GNB5: variants seen among roughly 807,000 people sequenced by gnomAD.
GNB5 encodes the protein G protein subunit beta 5, also known as guanine nucleotide-binding protein subunit beta-5.
Under a neutral mutation model 55.3 loss-of-function variants are expected in GNB5, and 37 were observed. The ratio of observed to expected loss-of-function variants is 0.67; its 90% CI spans 0.51 to 0.88. The LOEUF (loss-of-function observed/expected upper bound fraction) is 0.88, where lower values mean the gene tolerates loss of function less well. Among genes scored for constraint, GNB5 ranks in the 40% least tolerant of loss-of-function variants. The probability of loss-of-function intolerance (pLI) is 0.00; values close to 1 mark genes in which losing one functional copy is unlikely to be tolerated. For missense variants in GNB5, 476 were observed against 515.3 expected (o/e 0.92, Z 0.74); for synonymous variants, 219 against 198.5 (o/e 1.10, Z -0.87).
At chr15:52,148,007 T>C (rs1373864474) in intron 5 of GNB5, among the ~76,000 whole-genome samples, 1 of 151,182 alleles carries the variant, frequency 6.6e-6, no homozygotes, top group Non-Finnish European at 1.5e-5. Flanking sequence ...GGGACTCTTA[T>C]AATCAACTTG....
intron 3 of GNB5, among the ~76,000 whole-genome samples, chr15:52,173,679 G>A (rs1055799999): frequency 6.6e-6 from 1 of 152,214 alleles, no homozygotes; most frequent in Non-Finnish European, 1.5e-5. Context: ...GGTCTAGCAT[G>A]GTGAGGAGGA....
intron 1 of GNB5, among the ~76,000 whole-genome samples, chr15:52,185,753 T>TTTTTTATTA (rs1555409559): frequency 2.7e-4 from 37 of 136,712 alleles, no homozygotes; most frequent in African/African-American, 5.6e-4. Context: ...TATTCATCTT[T>TTTTTTATTA]TTATTATTAT....
At chr15:52,153,897 A>T in intron 4 of GNB5, 43 bp downstream of exon 4, 1 of 1,573,730 alleles carries the variant, frequency 6.4e-7, no homozygotes, top group Non-Finnish European at 8.7e-7. Context: ...TTAGCTATAA[A>T]ATCCAAAACC....
At chr15:52,145,240 T>C (rs189043080) in intron 6 of GNB5, among the ~76,000 whole-genome samples, 2 of 152,020 alleles carry the variant, frequency 1.3e-5, no homozygotes, top group Non-Finnish European at 1.5e-5. Context: ...TCTTTTATTA[T>C]AGCACCTCTT....
At chr15:52,170,448 A>C (rs2034534896) in intron 3 of GNB5, among the ~76,000 whole-genome samples, 2 of 152,244 alleles carry the variant, frequency 1.3e-5, no homozygotes, top group Admixed American at 6.5e-5. Flanking sequence ...AAACTAAGGC[A>C]GAAACAGAAA....
Position 52,125,969 on chromosome 15 carries a change from TG to T in GNB5, c.987del (p.Ser330AlafsTer91). 1.3e-6 allele frequency: 2 copies of T among 1,538,688 alleles called. No homozygotes were observed. Among genetic ancestry groups the T allele is most frequent in the Non-Finnish European group, 1.8e-6 (2 of 1,116,570 alleles). On this transcript the variant is annotated frameshift_variant, in exon 11 of 13. Coordinates refer to ENST00000261837, the MANE Select transcript of GNB5 (RefSeq NM_016194.4). LOFTEE classifies it high-confidence loss of function. The stretch of plus-strand genomic sequence containing the variant: ...TTACCACTGAGGGAGAAGTCCACGC[TG>T]GATGCTCCAAATATGATGCTTTCTT... ...YSKESIIFGA[S>X]SVDFSLSGRL... is the part of the protein sequence containing the mutation.
chr15:52,162,409 G>C (rs1378403950), intron 3 of GNB5, among the ~76,000 whole-genome samples: 1 of 152,098 alleles, frequency 6.6e-6, no homozygotes, highest in African/African-American at 2.4e-5. Context: ...AATTTATAAA[G>C]TGAAAATTCA....
In GNB5 at chr15:52,128,295, C is replaced by T. The variant is rs372859244; in HGVS notation, c.864-51G>A. ...CGGTTGTGACTCCTGACCCTGGATGCCCATCAGAACCATGCTAGGCCCTTG... is the reference window on the plus strand; with the variant it reads ...CGGTTGTGACTCCTGACCCTGGATGTCCATCAGAACCATGCTAGGCCCTTG... On this transcript the variant is annotated intron_variant, in intron 9 of 12. Transcript: ENST00000261837. 2.6e-4 allele frequency: 290 copies of T among 1,121,316 alleles called. 2 individuals carry two copies. In the African/African-American group the frequency reaches 3.9e-3, roughly 15 times the overall value. The allele number at this position is 1,121,316 out of a possible 1,614,324, so 69.5% of individuals were successfully genotyped here.
intron 2 of GNB5, among the ~76,000 whole-genome samples, chr15:52,183,498 C>G (rs148380048): frequency 1.0e-3 from 156 of 152,304 alleles, no homozygotes; most frequent in African/African-American, 3.6e-3. Flanking sequence ...TATGCTGTAT[C>G]AAAGCCTTTT....
intron 10 of GNB5, among the ~76,000 whole-genome samples, chr15:52,126,455 T>G (rs769401361): frequency 2.0e-5 from 3 of 152,196 alleles, no homozygotes; most frequent in Non-Finnish European, 2.9e-5. Flanking sequence ...TTCAGTCTTA[T>G]TTGTATTTTA....
Position 52,171,945 on chromosome 15 carries a change from C to T in GNB5, c.238+7823G>A, listed in dbSNP as rs75874171. On this transcript the variant is annotated intron_variant, in intron 3 of 12. Coordinates refer to ENST00000261837, the MANE Select transcript of GNB5 (RefSeq NM_016194.4). ...TTGCTTTGTTCCTTAACAATATTAGCATCTGCCTCAAGGACCTGGGAATTG... is the reference window on the plus strand; with the variant it reads ...TTGCTTTGTTCCTTAACAATATTAGTATCTGCCTCAAGGACCTGGGAATTG... 4.9e-3 allele frequency among the ~76,000 whole-genome samples: 741 copies of T among 152,304 alleles called. 17 individuals are homozygous for T. Among genetic ancestry groups the T allele is most frequent in the Admixed American group, 0.026 (395 of 15,290 alleles).
intron 3 of GNB5, among the ~76,000 whole-genome samples, chr15:52,165,336 C>T (rs928307788): frequency 2.0e-5 from 3 of 152,108 alleles, no homozygotes; most frequent in Non-Finnish European, 4.4e-5. Context: ...GACAGGGCAA[C>T]GTTCAAATTC....
At chr15:52,177,265 C>T (rs2034670321) in intron 3 of GNB5, among the ~76,000 whole-genome samples, 1 of 151,708 alleles carries the variant, frequency 6.6e-6, no homozygotes, top group Non-Finnish European at 1.5e-5. Context: ...AATCTCCTGA[C>T]CTCATGATCC....
In GNB5 at chr15:52,137,131, T is replaced by C. The variant is rs1045156320; in HGVS notation, c.628-1375A>G. 3.5e-5 allele frequency: 24 copies of C among 691,642 alleles called. No individual in the cohort carries two copies. In the Admixed American group the frequency reaches 8.1e-4, roughly 23 times the overall value. The allele number at this position is 691,642 out of a possible 1,614,324, so 42.8% of individuals were successfully genotyped here. A position where few individuals can be genotyped will look rare whatever the true frequency, so the allele number is the denominator to read the frequency against. ...GTACCCTTCCCTAATTCCTCCATTT[T>C]CAGAACCTACTAAGATTCTGCCAAG... On this transcript the variant is annotated intron_variant, in intron 7 of 12. Transcript: ENST00000261837.
intron 12 of GNB5, chr15:52,123,559 T>C (rs74487327): frequency 6.6e-6 from 1 of 152,068 alleles, no homozygotes. Context: ...TTTTTTTTTT[T>C]TGAGACAGAG....
At chr15:52,165,154 G>A (rs2034425986) in intron 3 of GNB5, among the ~76,000 whole-genome samples, 1 of 152,006 alleles carries the variant, frequency 6.6e-6, no homozygotes, top group Non-Finnish European at 1.5e-5. Flanking sequence ...AAGCAGACAA[G>A]AATAGAGAAA....
At chr15:52,147,154 T>G in intron 6 of GNB5, 2 of 239,194 alleles carry the variant, frequency 8.4e-6, no homozygotes, top group Non-Finnish European at 1.6e-5. Flanking sequence ...TGAAAGAGAG[T>G]TTTATGGTTT....
intron 3 of GNB5, among the ~76,000 whole-genome samples, chr15:52,169,723 G>T (rs1596100148): frequency 6.6e-6 from 1 of 152,074 alleles, no homozygotes; most frequent in South Asian, 2.1e-4. Flanking sequence ...TGATAAATGG[G>T]ATCTAATTAA....
At chr15:52,154,852 C>T (rs1456661853) in intron 3 of GNB5, among the ~76,000 whole-genome samples, 4 of 152,248 alleles carry the variant, frequency 2.6e-5, no homozygotes, top group Non-Finnish European at 4.4e-5. Context: ...CACAGCACCA[C>T]CTACACCAGA....
Sources: allele counts gnomAD v4.1 joint callset (sites outside exome capture counted in the v4.1 genomes callset), GRCh38; gene constraint gnomAD v4.1.1; transcripts MANE v1.5; gene names NCBI Gene and HGNC (gene_info 2026-07-23, HGNC 2026-07-21).